Variants in SRRM3 observed in about 807,000 individuals in gnomAD.
SRRM3 encodes the protein serine/arginine repetitive matrix 3.
A neutral mutation model predicts 66.2 loss-of-function variants in SRRM3; 27 were observed. That is an observed-to-expected ratio of 0.41 (90% CI 0.30 to 0.56). The LOEUF (loss-of-function observed/expected upper bound fraction) is 0.56. Among genes scored for constraint, SRRM3 ranks in the 20% least tolerant of loss-of-function variants. The pLI, the probability that SRRM3 is intolerant of heterozygous loss-of-function variation, is 0.32. For missense variants in SRRM3, 918 were observed against 991.9 expected (o/e 0.93, Z 1.00); for synonymous variants, 391 against 414.9 (o/e 0.94, Z 0.70).
At chr7:76,283,156 T>A in intron 14 of SRRM3, 55 bp downstream of exon 14, 1 of 1,339,400 alleles carries the variant, frequency 7.5e-7, no homozygotes, top group Non-Finnish European at 9.5e-7. Flanking sequence ...CTGACCCGGA[T>A]CAGGGACAGA....
chr7:76,265,823 A>AT (rs1554609485), intron 10 of SRRM3, among the ~76,000 whole-genome samples: 1 of 65,586 alleles, frequency 1.5e-5, no homozygotes, highest in African/African-American at 1.6e-4. Flanking sequence ...ATATTTAATA[A>AT]ATATTTATAT....
chr7:76,209,456 C>T (rs910696475), intron 1 of SRRM3, among the ~76,000 whole-genome samples: 1 of 152,044 alleles, frequency 6.6e-6, no homozygotes, highest in South Asian at 2.1e-4. Context: ...GATTGGCACT[C>T]CAGAGAGCAT....
chr7:76,254,643 C>T (rs1170327625), intron 3 of SRRM3, among the ~76,000 whole-genome samples: 2 of 152,072 alleles, frequency 1.3e-5, no homozygotes, highest in Non-Finnish European at 2.9e-5. Flanking sequence ...TGTAAATAAC[C>T]TTCATCATTT....
intron 1 of SRRM3, among the ~76,000 whole-genome samples, chr7:76,232,122 G>C (rs1184717183): frequency 6.6e-6 from 1 of 152,172 alleles, no homozygotes; most frequent in Non-Finnish European, 1.5e-5. Context: ...GTTCAGCCCC[G>C]GGCGCATTGA....
intron 1 of SRRM3, among the ~76,000 whole-genome samples, chr7:76,232,072 C>A (rs943250421): frequency 3.9e-5 from 6 of 152,144 alleles, no homozygotes; most frequent in African/African-American, 1.4e-4. Flanking sequence ...AAGGACCATG[C>A]CATGTATTCC....
At chr7:76,263,473 G>A (rs1470922043) in intron 8 of SRRM3, among the ~76,000 whole-genome samples, 1 of 152,196 alleles carries the variant, frequency 6.6e-6, no homozygotes, top group Non-Finnish European at 1.5e-5. Flanking sequence ...TGGGTTGGGG[G>A]GCTTGCCCCA....
intron 11 of SRRM3, among the ~76,000 whole-genome samples, 198 bp from the exon 12 acceptor site, chr7:76,281,243 G>T: frequency 1.4e-5 from 2 of 142,878 alleles, no homozygotes; most frequent in South Asian, 2.3e-4. Flanking sequence ...TCTGTCTCTC[G>T]CTCTTTTTCT....
rs372874791 is a variant in SRRM3 at position 76,267,621 on chromosome 7, G to C, written c.1008+186G>C. On this transcript the variant is annotated intron_variant, in intron 11 of 14. Coordinates refer to ENST00000611745, the MANE Select transcript of SRRM3 (RefSeq NM_001110199.3). The stretch of plus-strand genomic sequence containing the variant: ...CGGGAGCCGCCGGGAGTGCTAGGCC[G>C]TTGCGCCCACCTGGCCCTGGTGTCA... 631 of 486,420 alleles carry C rather than the reference G, an allele frequency of 1.3e-3. 15 individuals are homozygous for C. In the South Asian group the frequency reaches 0.03, roughly 23 times the overall value. The allele number at this position is 486,420 out of a possible 1,614,324, so 30.1% of individuals were successfully genotyped here.
At chr7:76,217,814 A>C (rs2116954825) in intron 1 of SRRM3, among the ~76,000 whole-genome samples, 1 of 152,246 alleles carries the variant, frequency 6.6e-6, no homozygotes, top group East Asian at 1.9e-4. Flanking sequence ...CCAGCAGAAT[A>C]TCGTAAGAGG....
intron 11 of SRRM3, among the ~76,000 whole-genome samples, chr7:76,275,771 C>T (rs1802332589): frequency 6.6e-6 from 1 of 152,042 alleles, no homozygotes; most frequent in African/African-American, 2.4e-5. Flanking sequence ...TCCACTTGAC[C>T]CTCAGAAATT....
intron 1 of SRRM3, among the ~76,000 whole-genome samples, chr7:76,220,738 C>G (rs1554603085): frequency 1.3e-5 from 2 of 152,254 alleles, no homozygotes; most frequent in Non-Finnish European, 2.9e-5. Context: ...CGCACCCTTG[C>G]AAGCCAGGCT....
Position 76,286,732 on chromosome 7 carries a change from G to A in SRRM3, c.*889G>A, listed in dbSNP as rs1175371029. The A allele has an allele frequency of 6.6e-6, 1 of 152,402 alleles. No individual in the cohort carries two copies. The highest frequency in any genetic ancestry group is 2.4e-5 in the African/African-American group (1 of 41,438). The allele number at this position is 152,402 out of a possible 1,614,324, so 9.4% of individuals were successfully genotyped here. A position where few individuals can be genotyped will look rare whatever the true frequency, so the allele number is the denominator to read the frequency against. On this transcript the variant is annotated 3_prime_UTR_variant, in exon 15 of 15. Transcript: ENST00000611745. ...AAGGGGTAGATGGGAGGTGGAATCT[G>A]TAGGAAAGAGAAAAAGCAAAGTCGT...
chr7:76,235,448 G>T, intron 2 of SRRM3, 149 bp downstream of exon 2: 1 of 738,654 alleles, frequency 1.4e-6, no homozygotes, highest in Non-Finnish European at 2.1e-6. Context: ...GGGCGACTGT[G>T]GGAACCCAAG....
chr7:76,283,879 A>G (rs1563644104), intron 14 of SRRM3: 1 of 979,974 alleles, frequency 1.0e-6, no homozygotes, highest in African/African-American at 1.8e-5. Context: ...GAAGCCCTAG[A>G]TTACCCTGGC....
Position 76,235,135 on chromosome 7 carries a change from G to T in SRRM3, c.69G>T (p.Pro23=). 1 of 1,570,200 alleles carries T rather than the reference G, an allele frequency of 6.4e-7. No individual in the cohort carries two copies. The highest frequency in any genetic ancestry group is 8.6e-7 in the Non-Finnish European group (1 of 1,165,330). The change falls in exon 2 of 15, where the codon CCG becomes CCT. Residue 23 remains proline, a synonymous_variant. Coordinates refer to ENST00000611745, the MANE Select transcript of SRRM3 (RefSeq NM_001110199.3). ...QSTPDAANGF[P]QPSSSSGTWP... Reference sequence around the variant, plus strand: ...CACCCGACGCCGCGAACGGCTTCCCGCAGCCCAGCTCCTCCTCGGGGACCT... The same window carrying T: ...CACCCGACGCCGCGAACGGCTTCCCTCAGCCCAGCTCCTCCTCGGGGACCT...
intron 3 of SRRM3, among the ~76,000 whole-genome samples, chr7:76,252,486 G>A (rs1164359560): frequency 5.9e-5 from 9 of 152,164 alleles, no homozygotes; most frequent in East Asian, 5.8e-4. Context: ...CATGCCCAGC[G>A]AATTTTTGTA....
intron 2 of SRRM3, among the ~76,000 whole-genome samples, chr7:76,237,502 G>A (rs1287660702): frequency 2.0e-5 from 3 of 152,184 alleles, no homozygotes; most frequent in East Asian, 3.8e-4. Context: ...TTGAACCCGC[G>A]AAGCAGAGGT....
intron 1 of SRRM3, among the ~76,000 whole-genome samples, chr7:76,215,394 G>GTTTTTTT (rs1170079332): frequency 1.1e-5 from 1 of 95,112 alleles, no homozygotes; most frequent in Non-Finnish European, 2.0e-5. Flanking sequence ...GGAGCCCGCA[G>GTTTTTTT]TTTTTTTTTT....
rs1189268086 is a variant in SRRM3, at chr7:76,266,080, G to A, written c.830+612G>A. ...AGACGGGGTTTCACCGTTTTAGCCG[G>A]GATGGTCTCGATCTCCTGACCTCGT... On this transcript the variant is annotated intron_variant, in intron 10 of 14. Transcript: ENST00000611745. Among the ~76,000 whole-genome samples, 2 of 79,494 alleles carry A rather than the reference G, an allele frequency of 2.5e-5. 1 individual carries two copies. The highest frequency in any genetic ancestry group is 3.9e-5 in the Non-Finnish European group (2 of 51,218). 52.2% of individuals were successfully genotyped at this position (79,494 alleles called of 152,430 possible). A position where few individuals can be genotyped will look rare whatever the true frequency, so the allele number is the denominator to read the frequency against.
Sources: allele counts gnomAD v4.1 joint callset (sites outside exome capture counted in the v4.1 genomes callset), GRCh38; gene constraint gnomAD v4.1.1; transcripts MANE v1.5; gene names NCBI Gene and HGNC (gene_info 2026-07-23, HGNC 2026-07-21).